The following SYT1 variants were observed in gnomAD, a reference collection of about 807,000 sequenced individuals.
The protein encoded by SYT1 is synaptotagmin 1.
SYT1 carries 8 observed loss-of-function variants against 44.8 expected under a neutral mutation model. That is an observed-to-expected ratio of 0.18 (90% confidence interval 0.10 to 0.32). The LOEUF is 0.32. Ranked by LOEUF, SYT1 falls within the 10% of genes least tolerant of loss-of-function variation. SYT1 has a pLI of 1.00. For synonymous variants in SYT1, 154 were observed against 188.8 expected (o/e 0.82, Z 1.51); for missense variants, 286 against 509.3 (o/e 0.56, Z 4.22).
chr12:79,187,188 T>A (rs887496404), intron 3 of SYT1, among the ~76,000 whole-genome samples: 13 of 152,172 alleles, frequency 8.5e-5, no homozygotes, highest in African/African-American at 2.6e-4. Context: ...TCTCAGCCCA[T>A]TCAAGTGGCA....
At chr12:79,379,822 T>A (rs1317297208) in intron 9 of SYT1, among the ~76,000 whole-genome samples, 1 of 152,178 alleles carries the variant, frequency 6.6e-6, no homozygotes, top group Non-Finnish European at 1.5e-5. Flanking sequence ...ACTATAGATA[T>A]TGCTGAGAGT....
chr12:79,333,831 C>A (rs1419258331), intron 8 of SYT1, among the ~76,000 whole-genome samples: 1 of 152,120 alleles, frequency 6.6e-6, no homozygotes, highest in African/African-American at 2.4e-5. Flanking sequence ...TAACAACAAA[C>A]AACAAACCAG....
intron 1 of SYT1, among the ~76,000 whole-genome samples, chr12:78,934,124 G>A (rs964209086): frequency 6.6e-6 from 1 of 151,220 alleles, no homozygotes; most frequent in Admixed American, 6.6e-5. Context: ...ATACATATGT[G>A]TGTGTATATA....
chr12:79,051,723 G>C (rs1444411851), intron 3 of SYT1, among the ~76,000 whole-genome samples: 1 of 151,950 alleles, frequency 6.6e-6, no homozygotes, highest in East Asian at 1.9e-4. Flanking sequence ...GATTCTCTGA[G>C]ATTGGATTAA....
rs1414049086 is a variant in SYT1, at chr12:78,876,782, A to G, written c.-217+11673A>G. 2.4e-3 allele frequency among the ~76,000 whole-genome samples: 220 copies of G among 93,080 alleles called. 1 individual carries two copies. Among genetic ancestry groups the G allele is most frequent in the African/African-American group, 7.2e-3 (151 of 21,034 alleles). The allele number at this position is 93,080 out of a possible 152,430, so 61.1% of individuals were successfully genotyped here. A position where few individuals can be genotyped will look rare whatever the true frequency, so the allele number is the denominator to read the frequency against. ...TATATATATTATATATTTATATATT[A>G]TATAATACATATAATATATTATATG... On this transcript the variant is annotated intron_variant, in intron 1 of 10. Coordinates refer to ENST00000261205, the MANE Select transcript of SYT1 (RefSeq NM_005639.3).
intron 1 of SYT1, among the ~76,000 whole-genome samples, chr12:78,938,122 T>A (rs2137238411): frequency 6.6e-6 from 1 of 152,260 alleles, no homozygotes; most frequent in Admixed American, 6.5e-5. Context: ...TTTCTCTTTT[T>A]TCTTTGTTTT....
At chr12:79,261,476 T>C (rs951165205) in intron 4 of SYT1, among the ~76,000 whole-genome samples, 1 of 152,232 alleles carries the variant, frequency 6.6e-6, no homozygotes, top group Non-Finnish European at 1.5e-5. Flanking sequence ...TTGTAGAGAT[T>C]GCATTGGTCC....
chr12:79,182,087 C>T (rs991828884), intron 3 of SYT1, among the ~76,000 whole-genome samples: 1 of 152,026 alleles, frequency 6.6e-6, no homozygotes, highest in Non-Finnish European at 1.5e-5. Flanking sequence ...ATTACTTTGT[C>T]TTTGTCCTTT....
At chr12:79,013,662 A>G (rs1488271495) in intron 2 of SYT1, among the ~76,000 whole-genome samples, 2 of 152,230 alleles carry the variant, frequency 1.3e-5, no homozygotes, top group African/African-American at 2.4e-5. Context: ...CAGTCCAGTT[A>G]TAGAAAACAA....
At chr12:78,959,265 G>C (rs1879379319) in intron 1 of SYT1, among the ~76,000 whole-genome samples, 1 of 152,114 alleles carries the variant, frequency 6.6e-6, no homozygotes, top group South Asian at 2.1e-4. Context: ...GGAAACTCGG[G>C]AGATGTTCCA....
At chr12:79,049,388 G>T (rs184127009) in intron 3 of SYT1, among the ~76,000 whole-genome samples, 2 of 151,702 alleles carry the variant, frequency 1.3e-5, no homozygotes, top group Non-Finnish European at 2.9e-5. Context: ...ATGTGGTTTG[G>T]AGCAGGTTTT....
intron 1 of SYT1, among the ~76,000 whole-genome samples, chr12:78,942,279 G>A (rs1277414605): frequency 6.6e-6 from 1 of 152,176 alleles, no homozygotes; most frequent in African/African-American, 2.4e-5. Context: ...ATGATCACAT[G>A]TTCAATCTTC....
chr12:79,013,381 C>T lies in SYT1; in HGVS notation c.-83-33916C>T, dbSNP rs531805348. ...TGAGTGGGTTCATCAAATAATTGTT[C>T]AATATTTGCTATGTACTGAGTCCAG... On this transcript the variant is annotated intron_variant, in intron 2 of 10. Transcript: ENST00000261205. Among the ~76,000 whole-genome samples the T allele has an allele frequency of 7.9e-5, 12 of 152,184 alleles. No homozygotes were observed. The South Asian group carries it at 2.5e-3, about 32-fold the overall frequency.
intron 9 of SYT1, among the ~76,000 whole-genome samples, chr12:79,422,223 G>A (rs991592658): frequency 6.6e-6 from 1 of 151,960 alleles, no homozygotes; most frequent in Non-Finnish European, 1.5e-5. Context: ...CTGAGTTCAT[G>A]TTCTCATTAA....
intron 1 of SYT1, among the ~76,000 whole-genome samples, chr12:78,970,484 C>T (rs538481166): frequency 6.6e-6 from 1 of 152,214 alleles, no homozygotes; most frequent in Admixed American, 6.5e-5. Flanking sequence ...GTCAGTTTAG[C>T]TAGGTGCACC....
chr12:79,305,431 C>T (rs1880344935), intron 8 of SYT1, among the ~76,000 whole-genome samples: 5 of 152,086 alleles, frequency 3.3e-5, no homozygotes, highest in Admixed American at 2.0e-4. Context: ...CAGCCTGGCT[C>T]TCTAGCTTCC....
Position 78,941,841 on chromosome 12 carries a change from C to T in SYT1, c.-216-35958C>T, listed in dbSNP as rs140576783. On this transcript the variant is annotated intron_variant, in intron 1 of 10. Transcript: ENST00000261205. ...CCAAGTGAGGCTATTCATTTCATTACACCAGTTGGGGGTGAAAAGAGAGGG... is the reference window on the plus strand; with the variant it reads ...CCAAGTGAGGCTATTCATTTCATTATACCAGTTGGGGGTGAAAAGAGAGGG... Among the ~76,000 whole-genome samples, 13 of 152,308 alleles carry T rather than the reference C, an allele frequency of 8.5e-5. No individual in the cohort carries two copies. In the East Asian group the frequency reaches 2.5e-3, roughly 29 times the overall value.
At chr12:79,299,272 A>T in intron 7 of SYT1, 112 bp from the exon 8 acceptor site, 1 of 1,188,254 alleles carries the variant, frequency 8.4e-7, no homozygotes, top group South Asian at 1.5e-5. Context: ...AAACAAAATT[A>T]TCTCCCTGTT....
At chr12:79,078,829 G>T (rs952682018) in intron 3 of SYT1, among the ~76,000 whole-genome samples, 8 of 152,248 alleles carry the variant, frequency 5.3e-5, no homozygotes, top group South Asian at 2.1e-4. Context: ...TTATTTCCTG[G>T]TTTAGAGTTT....
Sources: gnomAD v4.1 joint callset for allele counts (sites outside exome capture counted in the v4.1 genomes callset) on GRCh38, gnomAD v4.1.1 for gene constraint, MANE v1.5 for transcripts, NCBI Gene and HGNC (gene_info 2026-07-23, HGNC 2026-07-21) for gene names.